Variants in ZZEF1 observed in about 807,000 individuals in gnomAD.
ZZEF1 encodes zinc finger ZZ-type and EF-hand domain-containing protein 1.
In ZZEF1, 157 loss-of-function variants were observed where a neutral mutation model predicts 342.8. The observed-to-expected ratio is 0.46, with a 90% CI of 0.40 to 0.52. ZZEF1 has a LOEUF of 0.52. ZZEF1 is among the 20% of genes least tolerant of loss of function. ZZEF1 has a pLI of 0.00. For missense variants in ZZEF1, 3,480 were observed against 3,725.6 expected, an observed-to-expected ratio of 0.93 and a Z score of 1.72; for synonymous variants, 1,505 against 1,429.1, an observed-to-expected ratio of 1.05 and a Z score of -1.20.
Position 4,141,938 on chromosome 17 carries a change from G to A in ZZEF1, c.354+604C>T, listed in dbSNP as rs139486015. ...TATATGAAGAACTGCATAATTACAAGTATTCACAGGAAACCTGGTATTTGC... is the reference window on the plus strand; with the variant it reads ...TATATGAAGAACTGCATAATTACAAATATTCACAGGAAACCTGGTATTTGC... On this transcript the variant is annotated intron_variant, in intron 1 of 54. Transcript: ENST00000381638. 2.1e-4 allele frequency among the ~76,000 whole-genome samples: 32 copies of A among 152,290 alleles called. 1 individual carries two copies. The East Asian group carries it at 4.0e-3, about 19-fold the overall frequency.
At chr17:4,013,349 T>A in intron 52 of ZZEF1, 100 bp downstream of exon 52, 1 of 1,189,674 alleles carries the variant, frequency 8.4e-7, no homozygotes, top group Non-Finnish European at 1.1e-6. Flanking sequence ...AAGCCACAAA[T>A]GTCTTTTCAT....
Position 4,015,595 on chromosome 17 carries a change from T to C in ZZEF1, c.8145+728A>G, listed in dbSNP as rs7216261. 8.8e-3 allele frequency among the ~76,000 whole-genome samples: 1,334 copies of C among 152,272 alleles called. 19 individuals are homozygous for C. The highest frequency in any genetic ancestry group is 0.031 in the African/African-American group (1,275 of 41,554). On this transcript the variant is annotated intron_variant, in intron 49 of 54. Transcript: ENST00000381638. ...GCCTGGCCAATATGGTGAAACCCCG[T>C]CTCTACTAAAAATACAAAAATTAGC...
At chr17:4,041,445 C>T (rs966173630) in intron 39 of ZZEF1, among the ~76,000 whole-genome samples, 1 of 152,076 alleles carries the variant, frequency 6.6e-6, no homozygotes, top group Non-Finnish European at 1.5e-5. Flanking sequence ...TCCTTGGACT[C>T]AAAAATCTGA....
rs745485852 is a variant in ZZEF1, at chr17:4,017,653, G to A, written c.7719C>T (p.Ser2573=). 118 of 1,613,908 alleles carry A rather than the reference G, an allele frequency of 7.3e-5. No individual in the cohort carries two copies. In the Admixed American group the frequency reaches 1.4e-3, roughly 19 times the overall value. The change falls in exon 48 of 55, where the codon AGC becomes AGT. Residue 2573 remains serine (S), a synonymous_variant. Transcript: ENST00000381638. This position sits in a 1 kb window ranked among gnomAD's most constrained non-coding sequence, Gnocchi z 5.1. ...GCTTGGCATAGCTCTGCTGCAGTTCGCTCTCTGTGCTGGAGATCAGCTTCT... is the reference window on the plus strand; with the variant it reads ...GCTTGGCATAGCTCTGCTGCAGTTCACTCTCTGTGCTGGAGATCAGCTTCT... ...VTQKLISSTE[S]ELQQSYAKQR...
intron 43 of ZZEF1, among the ~76,000 whole-genome samples, chr17:4,023,572 C>A (rs2056324703): frequency 6.7e-6 from 1 of 148,354 alleles, no homozygotes; most frequent in Non-Finnish European, 1.5e-5. Context: ...GTAACCCCAG[C>A]ACTTCAAGAG....
At chr17:4,100,990 G>A (rs1363227071) in intron 9 of ZZEF1, among the ~76,000 whole-genome samples, 3 of 152,184 alleles carry the variant, frequency 2.0e-5, no homozygotes, top group African/African-American at 7.2e-5. Context: ...GGGACAAGGA[G>A]CTAACACCAC....
chr17:4,049,226 G>C (rs1205503966), intron 37 of ZZEF1, among the ~76,000 whole-genome samples: 3 of 152,088 alleles, frequency 2.0e-5, no homozygotes, highest in African/African-American at 7.2e-5. Context: ...AGAAAACTGA[G>C]GCAGGCTGGG....
chr17:4,008,734 G>A lies in ZZEF1; in HGVS notation c.8805+149C>T. The A allele has an allele frequency of 7.0e-7, 1 of 1,422,092 alleles. No individual in the cohort carries two copies. The highest frequency in any genetic ancestry group is 9.2e-7 in the Non-Finnish European group (1 of 1,086,592). The allele number at this position is 1,422,092 out of a possible 1,614,324, so 88.1% of individuals were successfully genotyped here. A position where few individuals can be genotyped will look rare whatever the true frequency, so the allele number is the denominator to read the frequency against. ...CGTGCATGCTCTCTGAGCACCAGGA[G>A]GAAGTGACTGAACTGGAACAAGCTC... On this transcript the variant is annotated intron_variant, in intron 54 of 54. Coordinates refer to ENST00000381638, the MANE Select transcript of ZZEF1 (RefSeq NM_015113.4). The surrounding 1 kb of genome is among the most constrained non-coding windows in gnomAD (Gnocchi z 4.2).
chr17:4,114,300 G>A lies in ZZEF1; in HGVS notation c.865C>T (p.Arg289Cys), dbSNP rs1052278109. 1.9e-6 allele frequency: 3 copies of A among 1,581,416 alleles called. No homozygotes were observed. Among genetic ancestry groups the A allele is most frequent in the Non-Finnish European group, 2.6e-6 (3 of 1,166,830 alleles). Residue 289 changes from arginine (R) to cysteine (C), a missense_variant and splice_region_variant, in exon 4 of 55, where the codon CGT becomes TGT. Physicochemically the swap from Arg to Cys is radical, Grantham distance 180. Around this residue, in one of 5 missense-constraint regions of ZZEF1, gnomAD observed 92 missense variants for 130.3 expected, o/e 0.71. Coordinates refer to ENST00000381638, the MANE Select transcript of ZZEF1 (RefSeq NM_015113.4). ...SDGSACSHWI[R>C]LKMKPDVVLR... ...AAAAAAGTATTATATACCACCCACC[G>A]AATCCAGTGTGAACAGGCACTGCCA...
At chr17:4,021,665 A>G (rs533891047) in intron 44 of ZZEF1, among the ~76,000 whole-genome samples, 1 of 152,358 alleles carries the variant, frequency 6.6e-6, no homozygotes, top group East Asian at 1.9e-4. Flanking sequence ...TAAAATATAC[A>G]AAGTTATTTT....
intron 18 of ZZEF1, 68 bp downstream of exon 18, chr17:4,081,308 A>G: frequency 7.8e-7 from 1 of 1,284,436 alleles, no homozygotes; most frequent in Non-Finnish European, 1.1e-6. Flanking sequence ...GGGGGGCACA[A>G]GAGACTGCCA....
chr17:4,041,445 CA>C (rs976696047), intron 39 of ZZEF1, among the ~76,000 whole-genome samples: 2 of 152,076 alleles, frequency 1.3e-5, no homozygotes, highest in Non-Finnish European at 2.9e-5. Context: ...TCCTTGGACT[CA>C]AAAATCTGAG....
chr17:4,046,354 G>A (rs182143288), intron 37 of ZZEF1, among the ~76,000 whole-genome samples: 104 of 152,258 alleles, frequency 6.8e-4, no homozygotes, highest in African/African-American at 2.5e-3. Context: ...GGACCCTCAG[G>A]GTGCCTTTCC....
chr17:4,096,747 G>T (rs766529738), intron 9 of ZZEF1, 47 bp from the exon 10 acceptor site: 1 of 1,476,008 alleles, frequency 6.8e-7, no homozygotes, highest in Non-Finnish European at 9.5e-7. Flanking sequence ...CATTTTTATA[G>T]CCCTAAGAAC....
intron 4 of ZZEF1, 109 bp from the exon 5 acceptor site, chr17:4,112,917 T>C: frequency 1.0e-6 from 1 of 975,328 alleles, no homozygotes; most frequent in Non-Finnish European, 1.4e-6. Context: ...CAAAGACTGG[T>C]TTTCCTAACA....
chr17:4,055,501 C>A (rs563953946), intron 33 of ZZEF1, among the ~76,000 whole-genome samples: 1 of 152,160 alleles, frequency 6.6e-6, no homozygotes, highest in African/African-American at 2.4e-5. Context: ...AGCTCTGATG[C>A]CCTCTCTATA....
At position 4,142,979 on chromosome 17, in the gene ZZEF1, C is replaced by T; in HGVS notation, c.-84G>A. The T allele has an allele frequency of 6.3e-6, 8 of 1,261,648 alleles. No individual in the cohort carries two copies. Among genetic ancestry groups the T allele is most frequent in the Non-Finnish European group, 7.9e-6 (8 of 1,007,390 alleles). 78.2% of individuals were successfully genotyped at this position (1,261,648 alleles called of 1,614,324 possible). On this transcript the variant is annotated 5_prime_UTR_variant, in exon 1 of 55. Coordinates refer to ENST00000381638, the MANE Select transcript of ZZEF1 (RefSeq NM_015113.4). ...CCTGTCAACCTCCGACAGCAGCTGG[C>T]GGGCGGGGACGCGGAGGAGACGACG...
At chr17:4,038,633 C>T (rs890827125) in intron 39 of ZZEF1, among the ~76,000 whole-genome samples, 8 of 151,978 alleles carry the variant, frequency 5.3e-5, no homozygotes, top group Non-Finnish European at 1.0e-4. Flanking sequence ...GGTGAAACCC[C>T]GGCTCTACTC....
chr17:4,142,132 G>A (rs1241310734), intron 1 of ZZEF1, among the ~76,000 whole-genome samples: 1 of 152,138 alleles, frequency 6.6e-6, no homozygotes, highest in Non-Finnish European at 1.5e-5. Flanking sequence ...CTTATTCGGC[G>A]CCCACACTGA....
Sources: gnomAD v4.1 joint callset for allele counts (sites outside exome capture counted in the v4.1 genomes callset) on GRCh38, gnomAD v4.1.1 for gene constraint, gnomAD v4.1.1 regional missense constraint, Gnocchi (gnomAD v3.1) non-coding constraint, MANE v1.5 for transcripts, NCBI Gene and HGNC (gene_info 2026-07-23, HGNC 2026-07-21) for gene names.